MAP4K5: variants seen among roughly 807,000 people sequenced by gnomAD.
The protein encoded by MAP4K5 is MAPK/ERK kinase kinase kinase 5.
Under a neutral mutation model 135.6 loss-of-function variants are expected in MAP4K5, and 82 were observed. The observed-to-expected ratio is 0.60, with a 90% confidence interval of 0.51 to 0.73. The LOEUF (loss-of-function observed/expected upper bound fraction) is 0.73, where lower values mean the gene tolerates loss of function less well. MAP4K5 is among the 30% of genes least tolerant of loss of function. The pLI, the probability that MAP4K5 is intolerant of heterozygous loss-of-function variation, is 0.00. For missense variants in MAP4K5, 907 were observed against 1,010.9 expected, an observed-to-expected ratio of 0.90 and a Z score of 1.39; for synonymous variants, 347 against 335.0, an observed-to-expected ratio of 1.04 and a Z score of -0.39.
At chr14:50,436,469 G>T (rs544651596) in intron 26 of MAP4K5, among the ~76,000 whole-genome samples, 6 of 152,002 alleles carry the variant, frequency 3.9e-5, no homozygotes, top group Admixed American at 2.6e-4. Context: ...TGTGATTTTG[G>T]GTGGGGGCTT....
Position 50,484,348 on chromosome 14 carries a change from GATA to G in MAP4K5, c.322+1227_322+1229del, listed in dbSNP as rs566377645. ...TGGATTATTTGTTGTGACAAAATTA[GATA>G]ATTATGACATTTTAAAATTGATAAT... is the stretch of plus-strand genomic sequence containing the variant. On this transcript the variant is annotated intron_variant, in intron 5 of 32. Coordinates refer to ENST00000682126, the MANE Select transcript of MAP4K5 (RefSeq NM_006575.6). Among the ~76,000 whole-genome samples the G allele has an allele frequency of 2.7e-3, 407 of 152,236 alleles. 4 individuals carry two copies. The highest frequency in any genetic ancestry group is 9.2e-3 in the African/African-American group (381 of 41,548).
chr14:50,451,525 A>C (rs1433335815), intron 14 of MAP4K5, among the ~76,000 whole-genome samples: 2 of 152,196 alleles, frequency 1.3e-5, no homozygotes, highest in African/African-American at 2.4e-5. Context: ...AATTGCTTAA[A>C]AACAAAACAA....
chr14:50,443,117 T>G (rs1195591287), intron 20 of MAP4K5, among the ~76,000 whole-genome samples: 1 of 152,184 alleles, frequency 6.6e-6, no homozygotes. Context: ...GACTGACAAT[T>G]ATTAATGTGA....
intron 14 of MAP4K5, among the ~76,000 whole-genome samples, chr14:50,451,747 G>A (rs1173469786): frequency 6.6e-6 from 1 of 151,346 alleles, no homozygotes; most frequent in Non-Finnish European, 1.5e-5. Context: ...AATATAGCTT[G>A]TCGAAAAGCC....
intron 28 of MAP4K5, among the ~76,000 whole-genome samples, chr14:50,432,901 G>T (rs369808193): frequency 6.6e-6 from 1 of 152,008 alleles, no homozygotes; most frequent in Non-Finnish European, 1.5e-5. Flanking sequence ...GCAATGGTGC[G>T]ATCTTGGCTC....
intron 31 of MAP4K5, among the ~76,000 whole-genome samples, chr14:50,425,456 CAAT>C (rs2035824917): frequency 6.6e-6 from 1 of 152,104 alleles, no homozygotes; most frequent in Non-Finnish European, 1.5e-5. Context: ...ATATTATTTA[CAAT>C]AATAGTGTCT....
At chr14:50,492,117 T>C (rs146103600) in intron 3 of MAP4K5, among the ~76,000 whole-genome samples, 96 of 152,340 alleles carry the variant, frequency 6.3e-4, no homozygotes, top group African/African-American at 2.1e-3. Context: ...TACTTCATTG[T>C]TCATGTTGAA....
chr14:50,441,743 T>TACACAC (rs57651486), intron 21 of MAP4K5, among the ~76,000 whole-genome samples: 77 of 141,630 alleles, frequency 5.4e-4, no homozygotes, highest in Admixed American at 2.6e-3. Context: ...AATTATTTTA[T>TACACAC]ACACACACAC....
intron 3 of MAP4K5, among the ~76,000 whole-genome samples, chr14:50,499,796 A>AT (rs2037670002): frequency 6.6e-6 from 1 of 152,246 alleles, no homozygotes; most frequent in African/African-American, 2.4e-5. Context: ...AAAGCAGCTC[A>AT]TTGTGTCTCA....
At chr14:50,547,135 A>G (rs1046558820) in intron 1 of MAP4K5, among the ~76,000 whole-genome samples, 1 of 152,228 alleles carries the variant, frequency 6.6e-6, no homozygotes, top group African/African-American at 2.4e-5. Flanking sequence ...AATGGTTAAC[A>G]GGAAAATAAG....
chr14:50,442,695 T>A (rs1566643244), intron 21 of MAP4K5, 37 bp downstream of exon 21: 2 of 1,272,982 alleles, frequency 1.6e-6, no homozygotes, highest in South Asian at 2.6e-5. Flanking sequence ...ATAATAAATA[T>A]TTTATTGGAG....
intron 2 of MAP4K5, among the ~76,000 whole-genome samples, chr14:50,510,879 T>A (rs2037917311): frequency 6.6e-6 from 1 of 152,208 alleles, no homozygotes; most frequent in African/African-American, 2.4e-5. Flanking sequence ...ACACAAACCT[T>A]GATACTTTGG....
intron 1 of MAP4K5, among the ~76,000 whole-genome samples, chr14:50,557,727 C>G (rs537331745): frequency 6.6e-6 from 1 of 152,176 alleles, no homozygotes; most frequent in Non-Finnish European, 1.5e-5. Context: ...AAGATGCATT[C>G]TAGCAATGTC....
intron 20 of MAP4K5, among the ~76,000 whole-genome samples, chr14:50,443,470 T>C (rs1271508736): frequency 1.3e-5 from 2 of 152,216 alleles, no homozygotes; most frequent in East Asian, 3.8e-4. Context: ...GTACTATTAA[T>C]ATCATCGCAT....
chr14:50,537,498 C>A (rs1353690036), upstream of MAP4K5, among the ~76,000 whole-genome samples: 1 of 148,220 alleles, frequency 6.7e-6, no homozygotes, highest in African/African-American at 2.7e-5. Flanking sequence ...AAGAGGGCCA[C>A]TGTCCTCCAG....
chr14:50,423,124 T>C lies in MAP4K5; in HGVS notation c.2450A>G (p.Asp817Gly). The C allele has an allele frequency of 6.5e-7, 1 of 1,542,734 alleles. No homozygotes were observed. Among genetic ancestry groups the C allele is most frequent in the Non-Finnish European group, 8.9e-7 (1 of 1,121,938 alleles). Reference protein sequence around the residue: ...ETRVFRLLGSDRVVVLESRPT... With the variant: ...ETRVFRLLGSGRVVVLESRPT... ...ATTAATACAACCAAACTATTACCTG[T>C]CTGATCCTAATAAGCGGAAAACTCT... is the stretch of plus-strand genomic sequence containing the variant. The change falls in exon 32 of 33, where the codon GAC (aspartate) becomes GGC (glycine). Residue 817 changes from aspartate (D) to glycine (G), a missense_variant. Around this residue, in one of 3 missense-constraint regions of MAP4K5, gnomAD observed 690 missense variants for 777.4 expected, o/e 0.89. Coordinates refer to ENST00000682126, the MANE Select transcript of MAP4K5 (RefSeq NM_006575.6).
chr14:50,509,150 C>T (rs1398149531), intron 2 of MAP4K5, among the ~76,000 whole-genome samples: 1 of 150,142 alleles, frequency 6.7e-6, no homozygotes, highest in Non-Finnish European at 1.5e-5. Context: ...CCAAACACCA[C>T]ATATTCTCAC....
chr14:50,439,952 G>T, intron 23 of MAP4K5, 61 bp downstream of exon 23: 4 of 1,324,542 alleles, frequency 3.0e-6, no homozygotes, highest in Non-Finnish European at 4.1e-6. Flanking sequence ...TAAAAATGGT[G>T]TATATTAAAA....
rs1284995363 is a variant in MAP4K5 at position 50,466,605 on chromosome 14, T to A, written c.715A>T (p.Lys239Ter). 5 of 1,462,432 alleles carry A rather than the reference T, an allele frequency of 3.4e-6. No individual in the cohort carries two copies. The highest frequency in any genetic ancestry group is 1.4e-5 in the African/African-American group (1 of 71,210). 90.6% of individuals were successfully genotyped at this position (1,462,432 alleles called of 1,614,324 possible). ...LMSKSNFQPP[K>*]LKDKTKWSST... ...CACCATTTTGTTTTGTCCTTTAGTT[T>A]TGGAGGCTGAAAATTACTTTTTGAC... Residue 239 changes from lysine to a stop codon, truncating the protein, a stop_gained, in exon 11 of 33, where the codon AAA (lysine) becomes TAA (stop). Coordinates refer to ENST00000682126, the MANE Select transcript of MAP4K5 (RefSeq NM_006575.6). LOFTEE classifies it high-confidence loss of function.
Sources: allele counts gnomAD v4.1 joint callset (sites outside exome capture counted in the v4.1 genomes callset), GRCh38; gene constraint gnomAD v4.1.1; regional missense constraint gnomAD v4.1.1; transcripts MANE v1.5; gene names NCBI Gene and HGNC (gene_info 2026-07-23, HGNC 2026-07-21).